B3GALT1: variants seen among roughly 807,000 people sequenced by gnomAD.
The protein encoded by B3GALT1 is UDP-Gal:betaGlcNAc beta 1,3-galactosyltransferase, polypeptide 1.
In B3GALT1, 10 loss-of-function variants were observed where a neutral mutation model predicts 23.2. The observed-to-expected ratio is 0.43, with a 90% confidence interval of 0.27 to 0.73. The LOEUF (loss-of-function observed/expected upper bound fraction) is 0.73. Among genes scored for constraint, B3GALT1 ranks in the 30% least tolerant of loss-of-function variants. The pLI, the probability that B3GALT1 is intolerant of heterozygous loss-of-function variation, is 0.21. For missense variants in B3GALT1, 299 were observed against 405.4 expected, an observed-to-expected ratio of 0.74 and a Z score of 2.25; for synonymous variants, 156 against 141.5, an observed-to-expected ratio of 1.10 and a Z score of -0.73.
intron 1 of B3GALT1, among the ~76,000 whole-genome samples, chr2:167,407,230 C>A (rs373913753): frequency 3.2e-4 from 48 of 151,958 alleles, no homozygotes; most frequent in African/African-American, 1.1e-3. Context: ...AAACAACATA[C>A]TCCTAAACAA....
At chr2:167,856,309 A>G (rs1460304048) in intron 4 of B3GALT1, among the ~76,000 whole-genome samples, 1 of 152,142 alleles carries the variant, frequency 6.6e-6, no homozygotes, top group Non-Finnish European at 1.5e-5. Context: ...TTTGGTATAA[A>G]CTTACATATA....
chr2:167,785,416 G>A (rs1039300976), intron 3 of B3GALT1, among the ~76,000 whole-genome samples: 106 of 152,200 alleles, frequency 7.0e-4, no homozygotes, highest in African/African-American at 2.5e-3. Flanking sequence ...CTTAGTATTT[G>A]TTTGCAGATT....
At chr2:167,793,712 A>T (rs1453398757) in intron 3 of B3GALT1, among the ~76,000 whole-genome samples, 1 of 152,200 alleles carries the variant, frequency 6.6e-6, no homozygotes, top group Non-Finnish European at 1.5e-5. Context: ...TTTTATTTTT[A>T]GAAACAAAAA....
chr2:167,822,574 T>C (rs1689131400), intron 4 of B3GALT1, among the ~76,000 whole-genome samples: 1 of 152,184 alleles, frequency 6.6e-6, no homozygotes, highest in African/African-American at 2.4e-5. Context: ...TAAAATAACA[T>C]TTACACTTGA....
intron 3 of B3GALT1, among the ~76,000 whole-genome samples, chr2:167,747,075 C>G (rs952397896): frequency 1.3e-5 from 2 of 152,064 alleles, no homozygotes; most frequent in South Asian, 2.1e-4. Context: ...AGCATTGTGT[C>G]GACATTTTTC....
chr2:167,516,784 C>T (rs191655861), intron 2 of B3GALT1, among the ~76,000 whole-genome samples: 13 of 152,068 alleles, frequency 8.5e-5, no homozygotes, highest in African/African-American at 3.1e-4. Flanking sequence ...CCAGTACAAA[C>T]ACATGTAATG....
At chr2:167,814,070 C>G (rs1411288071) in intron 3 of B3GALT1, among the ~76,000 whole-genome samples, 1 of 152,142 alleles carries the variant, frequency 6.6e-6, no homozygotes, top group Non-Finnish European at 1.5e-5. Flanking sequence ...GTATGAATGA[C>G]CATGTTTACA....
intron 4 of B3GALT1, among the ~76,000 whole-genome samples, chr2:167,864,866 C>G (rs1239662773): frequency 6.6e-6 from 1 of 152,048 alleles, no homozygotes; most frequent in Non-Finnish European, 1.5e-5. Flanking sequence ...CACCACACAG[C>G]ACAGTGCTTC....
At chr2:167,380,848 C>G (rs1697838505) in intron 1 of B3GALT1, among the ~76,000 whole-genome samples, 1 of 152,138 alleles carries the variant, frequency 6.6e-6, no homozygotes, top group South Asian at 2.1e-4. Context: ...TTTCATCAAT[C>G]AGATGCTATC....
rs573656296 is a variant in B3GALT1 at position 167,676,707 on chromosome 2, G to A, written c.-352+29741G>A. Reference sequence around the variant, plus strand: ...CTCCCAAGTAGCAAGGATTACAGGCGCCCACCACCAGTAGAGACTGGGTTG... The same window carrying A: ...CTCCCAAGTAGCAAGGATTACAGGCACCCACCACCAGTAGAGACTGGGTTG... On this transcript the variant is annotated intron_variant, in intron 3 of 4. Coordinates refer to ENST00000392690, the MANE Select transcript of B3GALT1 (RefSeq NM_020981.4). 4.5e-4 allele frequency among the ~76,000 whole-genome samples: 69 copies of A among 152,028 alleles called. No individual in the cohort carries two copies. In the South Asian group the frequency reaches 7.7e-3, roughly 17 times the overall value.
intron 1 of B3GALT1, among the ~76,000 whole-genome samples, chr2:167,483,300 A>G (rs1699585267): frequency 6.6e-6 from 1 of 152,174 alleles, no homozygotes; most frequent in South Asian, 2.1e-4. Context: ...TCTCAAAACA[A>G]CAACAACAAA....
intron 2 of B3GALT1, among the ~76,000 whole-genome samples, chr2:167,615,957 G>A (rs1486709578): frequency 2.0e-5 from 3 of 152,090 alleles, no homozygotes; most frequent in Admixed American, 6.6e-5. Flanking sequence ...TAGATTGGCT[G>A]TTGAGACTGT....
At chr2:167,819,069 A>AAGAT (rs1689055175) in intron 4 of B3GALT1, among the ~76,000 whole-genome samples, 2 of 152,158 alleles carry the variant, frequency 1.3e-5, no homozygotes, top group African/African-American at 4.8e-5. Flanking sequence ...TTTATTCTGA[A>AAGAT]AGATACAGGA....
intron 3 of B3GALT1, chr2:167,716,093 C>A: frequency 6.5e-7 from 1 of 1,539,144 alleles, no homozygotes; most frequent in Non-Finnish European, 8.9e-7. Flanking sequence ...GCGGTCACCG[C>A]AGTTAACACT....
intron 3 of B3GALT1, among the ~76,000 whole-genome samples, chr2:167,779,088 C>T (rs1223293766): frequency 6.6e-6 from 1 of 152,076 alleles, no homozygotes; most frequent in African/African-American, 2.4e-5. Flanking sequence ...CTGGAAAGCC[C>T]AGGAAAGCAT....
chr2:167,733,290 G>A (rs142000968), intron 3 of B3GALT1, among the ~76,000 whole-genome samples: 90 of 152,200 alleles, frequency 5.9e-4, no homozygotes, highest in African/African-American at 2.0e-3. Flanking sequence ...CCTACCTTGT[G>A]ATGCCTTATT....
intron 2 of B3GALT1, among the ~76,000 whole-genome samples, chr2:167,566,151 C>G (rs1289572916): frequency 6.6e-6 from 1 of 152,096 alleles, no homozygotes; most frequent in Non-Finnish European, 1.5e-5. Context: ...TACATATACA[C>G]CATGGAATAC....
chr2:167,381,351 A>G (rs1328915704), intron 1 of B3GALT1, among the ~76,000 whole-genome samples: 2 of 152,182 alleles, frequency 1.3e-5, no homozygotes, highest in East Asian at 3.8e-4. Context: ...GTGAGCTACT[A>G]TGCACCTGGA....
chr2:167,409,435 G>A (rs1698357998), intron 1 of B3GALT1, among the ~76,000 whole-genome samples: 1 of 152,012 alleles, frequency 6.6e-6, no homozygotes, highest in Non-Finnish European at 1.5e-5. Context: ...ATTTCTTGGA[G>A]GCTTTGTTCA....
Sources: allele counts gnomAD v4.1 joint callset (sites outside exome capture counted in the v4.1 genomes callset), GRCh38; gene constraint gnomAD v4.1.1; transcripts MANE v1.5; gene names NCBI Gene and HGNC (gene_info 2026-07-23, HGNC 2026-07-21).